The following ZNF28 variants were observed in gnomAD, a reference collection of about 807,000 sequenced individuals.
ZNF28 encodes the protein zinc finger protein KOX24.
Under a neutral mutation model 7.2 loss-of-function variants are expected in ZNF28, and 5 were observed. The ratio of observed to expected loss-of-function variants is 0.70; its 90% CI spans 0.36 to 1.46. ZNF28 has a LOEUF of 1.46. Among genes scored for constraint, ZNF28 ranks in the 40% most tolerant of loss-of-function variants. ZNF28 has a pLI of 0.03. For synonymous variants in ZNF28, 288 were observed against 292.4 expected (o/e 0.99, Z 0.15); for missense variants, 879 against 866.6 (o/e 1.01, Z -0.18).
intron 2 of ZNF28, among the ~76,000 whole-genome samples, chr19:52,816,066 G>A (rs1405615089): frequency 6.8e-6 from 1 of 147,470 alleles, no homozygotes; most frequent in Non-Finnish European, 1.5e-5. Context: ...ACACAGAACT[G>A]ACAATAGTGG....
rs191854964 is a variant in ZNF28 at position 52,819,054 on chromosome 19, C to T, written c.-73-1023G>A. Among the ~76,000 whole-genome samples, 23 of 141,532 alleles carry T rather than the reference C, an allele frequency of 1.6e-4. 5 individuals carry two copies. Among genetic ancestry groups the T allele is most frequent in the African/African-American group, 6.1e-4 (22 of 36,220 alleles). 92.9% of individuals were successfully genotyped at this position (141,532 alleles called of 152,430 possible). A position where few individuals can be genotyped will look rare whatever the true frequency, so the allele number is the denominator to read the frequency against. On this transcript the variant is annotated intron_variant, in intron 1 of 3. Coordinates refer to ENST00000457749, the MANE Select transcript of ZNF28 (RefSeq NM_006969.5). ...AAGGAGAAAGGGACAGTGCCATCTT[C>T]ATTTAGAAACATTGAATAAGAACAG...
In ZNF28 at chr19:52,801,573, T is replaced by G; in HGVS notation, c.272A>C (p.Glu91Ala). ...HIGDFCFQKIEKDIHGFQFQW... is the reference protein window; with the variant it reads ...HIGDFCFQKIAKDIHGFQFQW... ...AAACTGGAAGCCATGAATGTCTTTC[T>G]CAATTTTCTGGAAGCAAAAATCTCC... Residue 91 changes from glutamate to alanine, a missense_variant, in exon 4 of 4, where the codon GAG (glutamate) becomes GCG (alanine). Around this residue, in one of 2 missense-constraint regions of ZNF28, gnomAD observed 864 missense variants for 830.2 expected, o/e 1.04. Transcript: ENST00000457749. 6.2e-7 allele frequency: 1 copy of G among 1,614,214 alleles called. No homozygotes were observed. Among genetic ancestry groups the G allele is most frequent in the Non-Finnish European group, 8.5e-7 (1 of 1,180,028 alleles).
chr19:52,815,208 A>G (rs1279188131), intron 2 of ZNF28, among the ~76,000 whole-genome samples: 2 of 145,146 alleles, frequency 1.4e-5, no homozygotes, highest in Admixed American at 1.4e-4. Flanking sequence ...GGGAGGAAGG[A>G]GAGGAGCAGA....
Position 52,799,336 on chromosome 19 carries a change from C to A in ZNF28, c.*352G>T. ...TATGAATTATATTCAAAAATCTTGT[C>A]ATAAACCTTACATCTGTGTGGTTTC... is the stretch of plus-strand genomic sequence containing the variant. On this transcript the variant is annotated 3_prime_UTR_variant, in exon 4 of 4. Transcript: ENST00000457749. 4.0e-6 allele frequency: 2 copies of A among 501,990 alleles called. No homozygotes were observed. The highest frequency in any genetic ancestry group is 3.7e-6 in the Non-Finnish European group (1 of 272,978). 31.1% of individuals were successfully genotyped at this position (501,990 alleles called of 1,614,324 possible).
intron 3 of ZNF28, chr19:52,805,077 C>G (rs7259738): frequency 0.78 from 118,706 of 151,398 alleles, 47,365 homozygotes; most frequent in Non-Finnish European, 0.87. Context: ...GACCATCCTG[C>G]CTAACAAGCT....
intron 2 of ZNF28, chr19:52,809,814 A>AGCGGCGAAGGCGGCGGCG (rs1366939471): frequency 3.0e-6 from 1 of 329,608 alleles, no homozygotes; most frequent in East Asian, 3.7e-5. Context: ...GCCCAGTCTG[A>AGCGGCGAAGGCGGCGGCG]GCGGCGAAGG....
intron 2 of ZNF28, among the ~76,000 whole-genome samples, chr19:52,813,322 C>G (rs1234422150): frequency 6.9e-6 from 1 of 143,944 alleles, no homozygotes; most frequent in Non-Finnish European, 1.5e-5. Context: ...GAGGAGGGAC[C>G]TGTTTTGGGG....
Position 52,800,203 on chromosome 19 carries a change from C to T in ZNF28, c.1642G>A (p.Glu548Lys), listed in dbSNP as rs764342952. 1.9e-6 allele frequency: 3 copies of T among 1,613,252 alleles called. No homozygotes were observed. Among genetic ancestry groups the T allele is most frequent in the Non-Finnish European group, 2.5e-6 (3 of 1,179,882 alleles). The change falls in exon 4 of 4, where the codon GAG (glutamate) becomes AAG (lysine). Residue 548 changes from glutamate (E) to lysine (K), a missense_variant. Physicochemically the swap from Glu to Lys is moderately conservative, Grantham distance 56. Transcript: ENST00000457749. ...CATTCTTCACATTTGTACGGTTTCT[C>T]TGCAGTATGAAGTTTATGATGACAT... is the stretch of plus-strand genomic sequence containing the variant. ...LACHHKLHTA[E>K]KPYKCEECEK...
chr19:52,799,949 C>A lies in ZNF28; in HGVS notation c.1896G>T (p.Glu632Asp). ...CACACTCATTACACTTGTAAGGTTT[C>A]TCTCCAGTATGAAGCCTACGATGGA... ...LIIHRRLHTG[E>D]KPYKCNECGK... Residue 632 changes from glutamate to aspartate, a missense_variant, in exon 4 of 4, where the codon GAG becomes GAT. By Grantham distance (45) the Glu-to-Asp change is conservative. This residue lies in a region of ZNF28 where 864 missense variants were observed against 830.2 expected (regional missense o/e 1.04). Coordinates refer to ENST00000457749, the MANE Select transcript of ZNF28 (RefSeq NM_006969.5). 6.2e-7 allele frequency: 1 copy of A among 1,613,832 alleles called. No individual in the cohort carries two copies. The highest frequency in any genetic ancestry group is 1.1e-5 in the South Asian group (1 of 91,060).
At chr19:52,817,853 A>T in intron 2 of ZNF28, 91 bp downstream of exon 2, 2 of 1,593,202 alleles carry the variant, frequency 1.3e-6, no homozygotes, top group Non-Finnish European at 1.7e-6. Context: ...ATCAGGCAGG[A>T]CACTTCAGAC....
intron 3 of ZNF28, among the ~76,000 whole-genome samples, chr19:52,804,851 A>C (rs2062916578): frequency 6.6e-6 from 1 of 152,196 alleles, no homozygotes; most frequent in African/African-American, 2.4e-5. Flanking sequence ...GAGACAGGAG[A>C]AAGAGCATCT....
chr19:52,801,868 G>A lies in ZNF28; in HGVS notation c.143-166C>T, dbSNP rs542521568. The stretch of plus-strand genomic sequence containing the variant: ...TAAGATTCTTTAATAAATAAAGGGC[G>A]ATTATATGTCTTTCAAATCAATTCC... On this transcript the variant is annotated intron_variant, in intron 3 of 3. Transcript: ENST00000457749. 1.5e-3 allele frequency among the ~76,000 whole-genome samples: 235 copies of A among 152,166 alleles called. 2 individuals are homozygous for A. The highest frequency in any genetic ancestry group is 5.3e-3 in the African/African-American group (220 of 41,516).
At chr19:52,804,990 C>T (rs953458365) in intron 3 of ZNF28, among the ~76,000 whole-genome samples, 2 of 152,154 alleles carry the variant, frequency 1.3e-5, no homozygotes, top group African/African-American at 4.8e-5. Flanking sequence ...TGAGACAGGC[C>T]AGGTGCGGTG....
Position 52,817,834 on chromosome 19 carries a change from A to T in ZNF28, c.15+110T>A, listed in dbSNP as rs2063146340. On this transcript the variant is annotated intron_variant, in intron 2 of 3. Transcript: ENST00000457749. ...CTGAAGGAAGGCATGGGTGAGGGTG[A>T]GCAAACATATCAGGCAGGACACTTC... is the stretch of plus-strand genomic sequence containing the variant. The T allele has an allele frequency of 2.5e-6, 4 of 1,575,116 alleles. No homozygotes were observed. The East Asian group carries it at 9.0e-5, about 35-fold the overall frequency.
rs200567176 is a variant in ZNF28 at position 52,810,813 on chromosome 19, A to AT, written c.16-2681_16-2680insA. 6.8e-3 allele frequency: 2,454 copies of AT among 360,778 alleles called. 198 individuals carry two copies. The highest frequency in any genetic ancestry group is 0.039 in the African/African-American group (1,545 of 39,964). 22.3% of individuals were successfully genotyped at this position (360,778 alleles called of 1,614,324 possible). A position where few individuals can be genotyped will look rare whatever the true frequency, so the allele number is the denominator to read the frequency against. On this transcript the variant is annotated intron_variant, in intron 2 of 3. Coordinates refer to ENST00000457749, the MANE Select transcript of ZNF28 (RefSeq NM_006969.5). The stretch of plus-strand genomic sequence containing the variant: ...ACAGAAGATGACCTTGATGGAAAAA[A>AT]ATATATATATATTTTTAAAAAAAGA...
intron 3 of ZNF28, chr19:52,805,469 A>C (rs2062925547): frequency 6.6e-6 from 1 of 151,384 alleles, no homozygotes; most frequent in African/African-American, 2.4e-5. Context: ...TCTACTAAAA[A>C]TACAAAACTT....
intron 3 of ZNF28, among the ~76,000 whole-genome samples, chr19:52,801,924 A>G (rs2062877748): frequency 6.6e-6 from 1 of 152,200 alleles, no homozygotes. Flanking sequence ...TCATGACAAA[A>G]CACTGACAGG....
chr19:52,812,740 A>ATAAT (rs2063068844), intron 2 of ZNF28, among the ~76,000 whole-genome samples: 2 of 115,550 alleles, frequency 1.7e-5, no homozygotes, highest in Admixed American at 9.3e-5. Context: ...CCCCTCTGCG[A>ATAAT]GAAACACCCA....
Position 52,797,799 on chromosome 19 carries a change from CAT to C in ZNF28, c.*1887_*1888del, listed in dbSNP as rs1308780235. ...TGTGATTTAGATTCAACACAATACT[CAT>C]AGAAATCCCCATAACTTTTTGTTAA... is the stretch of plus-strand genomic sequence containing the variant. On this transcript the variant is annotated 3_prime_UTR_variant, in exon 4 of 4. Coordinates refer to ENST00000457749, the MANE Select transcript of ZNF28 (RefSeq NM_006969.5). 1.3e-5 allele frequency: 2 copies of C among 152,184 alleles called. No homozygotes were observed. Among genetic ancestry groups the C allele is most frequent in the South Asian group, 2.1e-4 (1 of 4,810 alleles). 9.4% of individuals were successfully genotyped at this position (152,184 alleles called of 1,614,324 possible).
Sources: gnomAD v4.1 joint callset for allele counts (sites outside exome capture counted in the v4.1 genomes callset) on GRCh38, gnomAD v4.1.1 for gene constraint, gnomAD v4.1.1 regional missense constraint, MANE v1.5 for transcripts, NCBI Gene and HGNC (gene_info 2026-07-23, HGNC 2026-07-21) for gene names.